The following COL11A1 variants were observed in gnomAD, a reference collection of about 807,000 sequenced individuals.
The protein encoded by COL11A1 is collagen type XI alpha 1 chain, also known as collagen alpha-1(XI) chain.
Under a neutral mutation model 265.2 loss-of-function variants are expected in COL11A1, and 74 were observed. That is an observed-to-expected ratio of 0.28 (90% CI 0.23 to 0.34). The LOEUF (loss-of-function observed/expected upper bound fraction) is 0.34. Among genes scored for constraint, COL11A1 ranks in the 10% least tolerant of loss-of-function variants. The probability of loss-of-function intolerance (pLI) is 1.00; values close to 1 mark genes in which losing one functional copy is unlikely to be tolerated. For synonymous variants in COL11A1, 816 were observed against 727.6 expected (o/e 1.12, Z -1.96); for missense variants, 2,165 against 2,263.6 (o/e 0.96, Z 0.88).
chr1:102,923,480 G>T, intron 46 of COL11A1, 91 bp from the exon 47 acceptor site: 1 of 930,564 alleles, frequency 1.1e-6, no homozygotes, highest in Non-Finnish European at 1.7e-6. Flanking sequence ...CAAGTATAAA[G>T]TTCAATAAGT....
intron 43 of COL11A1, among the ~76,000 whole-genome samples, chr1:102,939,562 C>T (rs956421349): frequency 2.1e-5 from 3 of 145,762 alleles, no homozygotes; most frequent in East Asian, 1.9e-4. Flanking sequence ...AAGTTAGCTG[C>T]ACATGGTGAG....
At chr1:102,975,630 T>C (rs2101658027) in intron 35 of COL11A1, among the ~76,000 whole-genome samples, 1 of 152,268 alleles carries the variant, frequency 6.6e-6, no homozygotes, top group Middle Eastern at 3.4e-3. Flanking sequence ...ACTCCATTGT[T>C]GGCAGAAAAA....
chr1:103,000,945 A>G (rs1457476200), intron 24 of COL11A1: 1 of 381,992 alleles, frequency 2.6e-6, no homozygotes, highest in African/African-American at 2.1e-5. Flanking sequence ...AAGTACTAAT[A>G]TATGTATGCT....
rs1167783482 is a variant in COL11A1 at position 102,928,870 on chromosome 1, T to A, written c.3601-5481A>T. ...GTGATGATGAGCATTTTTTCATGTG[T>A]TTTTTGGCTGCATAGATGTCTTCTT... On this transcript the variant is annotated intron_variant, in intron 46 of 66. Transcript: ENST00000370096. Among the ~76,000 whole-genome samples the A allele has an allele frequency of 5.8e-5, 7 of 119,788 alleles. No individual in the cohort carries two copies. In the East Asian group the frequency reaches 2.0e-3, roughly 34 times the overall value. The allele number at this position is 119,788 out of a possible 152,430, so 78.6% of individuals were successfully genotyped here.
At chr1:103,001,897 G>C in intron 24 of COL11A1, 28 bp downstream of exon 24, 1 of 1,608,750 alleles carries the variant, frequency 6.2e-7, no homozygotes, top group Non-Finnish European at 8.5e-7. Context: ...TGTTCACCAG[G>C]CTTTACGAGA....
In COL11A1 at chr1:102,934,958, A is replaced by C. The variant is rs1657990686; in HGVS notation, c.3492+102T>G. On this transcript the variant is annotated intron_variant, in intron 45 of 66. Coordinates refer to ENST00000370096, the MANE Select transcript of COL11A1 (RefSeq NM_001854.4). ...TTGATTTAATGTCAAACATACAAAC[A>C]AAACTTATTACCCCACAAAATTGAC... 7.2e-6 allele frequency: 8 copies of C among 1,111,586 alleles called. No homozygotes were observed. The Admixed American group carries it at 1.3e-4, about 18-fold the overall frequency. 68.9% of individuals were successfully genotyped at this position (1,111,586 alleles called of 1,614,324 possible).
chr1:103,064,601 G>A (rs1407039727), intron 4 of COL11A1, among the ~76,000 whole-genome samples: 1 of 149,348 alleles, frequency 6.7e-6, no homozygotes, highest in African/African-American at 2.5e-5. Context: ...TGAGGCAGGA[G>A]AATGGTGTGA....
intron 2 of COL11A1, among the ~76,000 whole-genome samples, chr1:103,079,495 C>T (rs1672233813): frequency 2.0e-5 from 3 of 151,806 alleles, no homozygotes; most frequent in Admixed American, 6.6e-5. Flanking sequence ...CAATCATATG[C>T]CAAATATCTA....
chr1:103,059,858 A>G (rs1251339919), intron 4 of COL11A1, among the ~76,000 whole-genome samples: 2 of 152,122 alleles, frequency 1.3e-5, no homozygotes, highest in African/African-American at 4.8e-5. Flanking sequence ...ACAAAACTAA[A>G]CAGGATATCT....
intron 24 of COL11A1, among the ~76,000 whole-genome samples, chr1:103,000,291 A>G (rs1664986277): frequency 6.6e-6 from 1 of 151,904 alleles, no homozygotes; most frequent in African/African-American, 2.4e-5. Flanking sequence ...AACCTTTAGA[A>G]CCTAACATAA....
chr1:103,050,687 GAGTTTCC>G (rs1202942046), intron 4 of COL11A1, among the ~76,000 whole-genome samples: 2 of 152,112 alleles, frequency 1.3e-5, no homozygotes, highest in African/African-American at 4.8e-5. Flanking sequence ...CTGATTTTTA[GAGTTTCC>G]AGTTTTTCTG....
intron 1 of COL11A1, among the ~76,000 whole-genome samples, chr1:103,088,051 T>A (rs11586849): frequency 0.65 from 98,108 of 152,004 alleles, 32,585 homozygotes; most frequent in East Asian, 0.98. Context: ...CACTGATCAG[T>A]TTGATCCCAA....
Position 103,015,682 on chromosome 1 carries a change from T to G in COL11A1, c.1474A>C (p.Met492Leu). 1.2e-6 allele frequency: 2 copies of G among 1,607,682 alleles called. No homozygotes were observed. The highest frequency in any genetic ancestry group is 8.5e-7 in the Non-Finnish European group (1 of 1,176,096). ...ADGLPGPPGTMLMLPFRYGGD... is the reference protein window; with the variant it reads ...ADGLPGPPGTLLMLPFRYGGD... ...AAAGAACATACCGGTAACATCAACA[T>G]AGTACCAGGAGGACCAGGTAGACCA... Residue 492 changes from methionine (M) to leucine (L), a missense_variant, in exon 12 of 67, where the codon ATG (methionine) becomes CTG (leucine). Coordinates refer to ENST00000370096, the MANE Select transcript of COL11A1 (RefSeq NM_001854.4).
intron 1 of COL11A1, among the ~76,000 whole-genome samples, chr1:103,101,605 C>G (rs775313288): frequency 6.6e-6 from 1 of 151,844 alleles, no homozygotes; most frequent in Non-Finnish European, 1.5e-5. Flanking sequence ...GTTTACCAGT[C>G]AAACAGAGGA....
At chr1:103,002,567 C>A in intron 22 of COL11A1, 86 bp from the exon 23 acceptor site, 1 of 1,217,434 alleles carries the variant, frequency 8.2e-7, no homozygotes, top group Middle Eastern at 2.0e-4. Context: ...TACCTCTACC[C>A]ACCCTCAAAC....
At position 102,895,121 on chromosome 1, in the gene COL11A1, A is replaced by G. The variant is rs577872767; in HGVS notation, c.4302+3004T>C. On this transcript the variant is annotated intron_variant, in intron 57 of 66. Transcript: ENST00000370096. The stretch of plus-strand genomic sequence containing the variant: ...GTACTTTTTCAAGTAAAAAATAAAT[A>G]CTATATCACATCTGACTCTAGTAGA... Among the ~76,000 whole-genome samples, 5 of 152,326 alleles carry G rather than the reference A, an allele frequency of 3.3e-5. No homozygotes were observed. In the East Asian group the frequency reaches 9.6e-4, roughly 29 times the overall value.
intron 15 of COL11A1, among the ~76,000 whole-genome samples, chr1:103,007,722 T>C (rs1288477779): frequency 6.6e-6 from 1 of 151,720 alleles, no homozygotes; most frequent in Admixed American, 6.6e-5. Flanking sequence ...TTGCCGGGCA[T>C]GGTGGCGCAT....
intron 5 of COL11A1, among the ~76,000 whole-genome samples, chr1:103,030,594 C>A (rs1667902064): frequency 6.6e-6 from 1 of 151,602 alleles, no homozygotes; most frequent in Admixed American, 6.6e-5. Context: ...TTGCTCCCAA[C>A]TGAGGCTTAA....
At chr1:102,924,053 CAA>C (rs577410207) in intron 46 of COL11A1, among the ~76,000 whole-genome samples, 2,632 of 106,736 alleles carry the variant, frequency 0.025, 84 homozygotes, top group African/African-American at 0.076. Flanking sequence ...ACTAAAAATA[CAA>C]AAAAAAAAAA....
Sources: allele counts gnomAD v4.1 joint callset (sites outside exome capture counted in the v4.1 genomes callset), GRCh38; gene constraint gnomAD v4.1.1; transcripts MANE v1.5; gene names NCBI Gene and HGNC (gene_info 2026-07-23, HGNC 2026-07-21).